The following TMEM71 variants were observed in gnomAD, a reference collection of about 807,000 sequenced individuals.
TMEM71 encodes the protein transmembrane protein 71.
TMEM71 carries 44 observed loss-of-function variants against 38.0 expected under a neutral mutation model. That is an observed-to-expected ratio of 1.16 (90% CI 0.91 to 1.49). The LOEUF (loss-of-function observed/expected upper bound fraction) is 1.49. Among genes scored for constraint, TMEM71 ranks in the 40% most tolerant of loss-of-function variants. The pLI is 0.00. For synonymous variants in TMEM71, 133 were observed against 122.5 expected (o/e 1.09, Z -0.56); for missense variants, 367 against 348.6 (o/e 1.05, Z -0.42).
At chr8:132,732,207 G>C (rs1440479343) in intron 5 of TMEM71, among the ~76,000 whole-genome samples, 1 of 152,172 alleles carries the variant, frequency 6.6e-6, no homozygotes, top group South Asian at 2.1e-4. Flanking sequence ...TATCCAGTGG[G>C]AATCTAGGAA....
intron 5 of TMEM71, among the ~76,000 whole-genome samples, chr8:132,746,424 T>C (rs1241270060): frequency 1.3e-3 from 79 of 61,174 alleles, no homozygotes; most frequent in African/African-American, 3.5e-3. Context: ...CACACATATA[T>C]ATACATATAT....
intron 5 of TMEM71, among the ~76,000 whole-genome samples, chr8:132,742,058 T>C (rs945244029): frequency 3.9e-5 from 6 of 152,244 alleles, no homozygotes; most frequent in African/African-American, 9.6e-5. Flanking sequence ...TCTTGTCTTC[T>C]GGACACTCCT....
intron 1 of TMEM71, 142 bp from the exon 2 acceptor site, chr8:132,759,057 G>C: frequency 1.7e-6 from 1 of 598,312 alleles, no homozygotes; most frequent in Non-Finnish European, 3.0e-6. Flanking sequence ...TAGGAGACCA[G>C]ACTGAAGACA....
At chr8:132,774,730 G>C in the TMEM71 span, among the ~76,000 whole-genome samples, 1 of 152,230 alleles carries the variant, frequency 6.6e-6, no homozygotes. Context: ...GTAGGTATTC[G>C]ATAAAAGCAG....
chr8:132,722,134 A>G lies in TMEM71; in HGVS notation c.677-19T>C, dbSNP rs1291995756. ...CTGGTTTCTAATAGGAAGAACAAAA[A>G]CAAATAAATTAGAAATCATTGCTGA... On this transcript the variant is annotated intron_variant, in intron 6 of 9. Coordinates refer to ENST00000677595, the MANE Select transcript of TMEM71 (RefSeq NM_001382403.1). The G allele has an allele frequency of 6.3e-7, 1 of 1,586,296 alleles. No homozygotes were observed. Among genetic ancestry groups the G allele is most frequent in the African/African-American group, 1.3e-5 (1 of 74,310 alleles).
At chr8:132,732,720 T>A (rs1238433465) in intron 5 of TMEM71, among the ~76,000 whole-genome samples, 1 of 152,026 alleles carries the variant, frequency 6.6e-6, no homozygotes, top group African/African-American at 2.4e-5. Flanking sequence ...CATACAACAG[T>A]AGTTCTTAAT....
chr8:132,767,548 C>A, the TMEM71 span, among the ~76,000 whole-genome samples: 1 of 150,506 alleles, frequency 6.6e-6, no homozygotes, highest in Non-Finnish European at 1.5e-5. Context: ...GATCTCAGCT[C>A]ACTGCAACCT....
chr8:132,740,938 G>T (rs973252260), intron 5 of TMEM71, among the ~76,000 whole-genome samples: 2 of 152,214 alleles, frequency 1.3e-5, no homozygotes, highest in Non-Finnish European at 2.9e-5. Flanking sequence ...CTTGCATGCT[G>T]TGTTAAGGAA....
rs1029315803 is a variant in TMEM71 at position 132,722,070 on chromosome 8, G to A, written c.722C>T (p.Ala241Val). ...ACATGCAGAAATGATTAAGCACACA[G>A]CAAGCAGGATTGCCTGAAAGAAGAC... ...QEVFFQAILLAVCLIISACAR... is the reference protein window; with the variant it reads ...QEVFFQAILLVVCLIISACAR... Residue 241 changes from alanine (A) to valine (V), a missense_variant, in exon 7 of 10, where the codon GCT becomes GTT. Ala to Val is a moderately conservative substitution (Grantham distance 64). Transcript: ENST00000677595. The A allele has an allele frequency of 6.2e-7, 1 of 1,614,086 alleles. No individual in the cohort carries two copies. Among genetic ancestry groups the A allele is most frequent in the South Asian group, 1.1e-5 (1 of 91,084 alleles).
At chr8:132,774,820 G>A in the TMEM71 span, among the ~76,000 whole-genome samples, 1 of 152,224 alleles carries the variant, frequency 6.6e-6, no homozygotes, top group Non-Finnish European at 1.5e-5. Context: ...CTGTGCCTGA[G>A]CACGCGCGTA....
At chr8:132,718,687 G>A (rs1023156081) in intron 7 of TMEM71, among the ~76,000 whole-genome samples, 4 of 149,400 alleles carry the variant, frequency 2.7e-5, no homozygotes, top group African/African-American at 7.4e-5. Flanking sequence ...GTGAGCCACC[G>A]TGCCCAGCCC....
upstream of TMEM71, among the ~76,000 whole-genome samples, chr8:132,762,340 C>T (rs555297946): frequency 6.6e-6 from 1 of 152,196 alleles, no homozygotes; most frequent in Non-Finnish European, 1.5e-5. Flanking sequence ...TCTTATCCCT[C>T]ATCCTCCCTC....
In TMEM71 at chr8:132,751,798, C is replaced by T. The variant is rs551754127; in HGVS notation, c.301G>A (p.Glu101Lys). The change falls in exon 4 of 10, where the codon GAG becomes AAG. Residue 101 changes from glutamate (E) to lysine (K), a missense_variant. Coordinates refer to ENST00000677595, the MANE Select transcript of TMEM71 (RefSeq NM_001382403.1). ...TGCTCTGCTTACCTAACTAAGTTCT[C>T]CTTATACATAACGCTGGTCTGGGAT... is the stretch of plus-strand genomic sequence containing the variant. ...NPSQTSVMYKENLVRIFRKKK... is the reference protein window; with the variant it reads ...NPSQTSVMYKKNLVRIFRKKK... 6.2e-7 allele frequency: 1 copy of T among 1,613,470 alleles called. No individual in the cohort carries two copies. Among genetic ancestry groups the T allele is most frequent in the Admixed American group, 1.7e-5 (1 of 60,024 alleles).
At chr8:132,757,410 G>GAATAGCTGATGTTCC in intron 2 of TMEM71, 116 bp from the exon 3 acceptor site, 1 of 697,708 alleles carries the variant, frequency 1.4e-6, no homozygotes, top group Non-Finnish European at 2.5e-6. Context: ...AAGAAGATGG[G>GAATAGCTGATGTTCC]AATAGCTGAT....
intron 5 of TMEM71, among the ~76,000 whole-genome samples, chr8:132,746,126 T>C (rs980882133): frequency 3.3e-5 from 5 of 149,818 alleles, no homozygotes; most frequent in Non-Finnish European, 5.9e-5. Flanking sequence ...TCACATAATA[T>C]ACCCAAGTAA....
At chr8:132,735,824 C>A (rs562812665) in intron 5 of TMEM71, among the ~76,000 whole-genome samples, 2 of 152,330 alleles carry the variant, frequency 1.3e-5, no homozygotes, top group East Asian at 1.9e-4. Flanking sequence ...ATCCCAGAAC[C>A]TGCTTGCTCT....
At chr8:132,736,260 C>T (rs1479356800) in intron 5 of TMEM71, among the ~76,000 whole-genome samples, 1 of 152,142 alleles carries the variant, frequency 6.6e-6, no homozygotes, top group Non-Finnish European at 1.5e-5. Context: ...TGAGAAGACA[C>T]TTGCCTTGTT....
Position 132,747,160 on chromosome 8 carries a change from T to C in TMEM71, c.315-46A>G, listed in dbSNP as rs138326951. ...GGTGAACAACGAATAATAGTTACCTTTAGTTCAAAACTGTGATTTGAAGCG... is the reference window on the plus strand; with the variant it reads ...GGTGAACAACGAATAATAGTTACCTCTAGTTCAAAACTGTGATTTGAAGCG... On this transcript the variant is annotated intron_variant, in intron 4 of 9. Coordinates refer to ENST00000677595, the MANE Select transcript of TMEM71 (RefSeq NM_001382403.1). The C allele has an allele frequency of 3.0e-4, 438 of 1,471,498 alleles. No individual in the cohort carries two copies. The African/African-American group carries it at 5.4e-3, about 18-fold the overall frequency. 91.2% of individuals were successfully genotyped at this position (1,471,498 alleles called of 1,614,324 possible).
chr8:132,722,321 A>G (rs1167706326), intron 6 of TMEM71, among the ~76,000 whole-genome samples: 1 of 152,206 alleles, frequency 6.6e-6, no homozygotes, highest in Non-Finnish European at 1.5e-5. Flanking sequence ...TTCTGCAAAT[A>G]ATTACTTTCT....
Sources: allele counts gnomAD v4.1 joint callset (sites outside exome capture counted in the v4.1 genomes callset), GRCh38; gene constraint gnomAD v4.1.1; transcripts MANE v1.5; gene names NCBI Gene and HGNC (gene_info 2026-07-23, HGNC 2026-07-21).